ZNF250: variants seen among roughly 807,000 people sequenced by gnomAD.
ZNF250 encodes the protein zinc finger protein 250, also known as zinc finger protein (clone 647).
A neutral mutation model predicts 37.1 loss-of-function variants in ZNF250; 13 were observed. The ratio of observed to expected loss-of-function variants is 0.35; its 90% CI spans 0.23 to 0.56. ZNF250 has a LOEUF of 0.56. ZNF250 is among the 20% of genes least tolerant of loss of function. The probability of loss-of-function intolerance (pLI) is 0.87; values close to 1 mark genes in which losing one functional copy is unlikely to be tolerated. For synonymous variants in ZNF250, 251 were observed against 265.6 expected (o/e 0.94, Z 0.54); for missense variants, 474 against 697.9 (o/e 0.68, Z 3.61).
At chr8:144,896,959 T>A (rs2129882824) in intron 1 of ZNF250, among the ~76,000 whole-genome samples, 1 of 152,334 alleles carries the variant, frequency 6.6e-6, no homozygotes, top group African/African-American at 2.4e-5. Flanking sequence ...ATTTCAATCT[T>A]GAAAATTTCC....
chr8:144,881,938 T>C lies in ZNF250; in HGVS notation c.1245A>G (p.Glu415=). ...LMNHERIHTE[E]KPYACYECGK... is the part of the protein sequence containing the mutation. ...CACATTCGTAGCATGCATAGGGCTT[T>C]TCCTCGGTGTGGATCCGCTCGTGAT... The change falls in exon 6 of 6, where the codon GAA becomes GAG. Residue 415 remains glutamate, a synonymous_variant. Coordinates refer to ENST00000417550, the MANE Select transcript of ZNF250 (RefSeq NM_001109689.4). The C allele has an allele frequency of 6.2e-7, 1 of 1,613,264 alleles. No individual in the cohort carries two copies. The highest frequency in any genetic ancestry group is 8.5e-7 in the Non-Finnish European group (1 of 1,179,792).
At chr8:144,898,684 A>T (rs1033892632) in intron 1 of ZNF250, among the ~76,000 whole-genome samples, 2 of 152,270 alleles carry the variant, frequency 1.3e-5, no homozygotes, top group Non-Finnish European at 2.9e-5. Context: ...TTTACAAGCT[A>T]TCCATCCGAT....
At position 144,891,424 on chromosome 8, in the gene ZNF250, CATCAGAT is replaced by C. The variant is rs1382483710; in HGVS notation, c.-54-1028_-54-1022del. Among the ~76,000 whole-genome samples, 5 of 152,132 alleles carry C rather than the reference CATCAGAT, an allele frequency of 3.3e-5. No homozygotes were observed. Among genetic ancestry groups the C allele is most frequent in the African/African-American group, 7.2e-5 (3 of 41,430 alleles). On this transcript the variant is annotated intron_variant, in intron 1 of 5. Coordinates refer to ENST00000417550, the MANE Select transcript of ZNF250 (RefSeq NM_001109689.4). This position sits in a 1 kb window ranked among gnomAD's most constrained non-coding sequence, Gnocchi z 4.0. The stretch of plus-strand genomic sequence containing the variant: ...CATCATAATCTCAGTGTCTATAAAA[CATCAGAT>C]ATAGGTGGGCGCGGTGGCTCATACC...
In ZNF250 at chr8:144,877,539, T is replaced by C. The variant is rs1180373434; in HGVS notation, c.*3976A>G. 1 of 152,124 alleles carries C rather than the reference T, an allele frequency of 6.6e-6. No homozygotes were observed. The highest frequency in any genetic ancestry group is 1.5e-5 in the Non-Finnish European group (1 of 68,016). 9.4% of individuals were successfully genotyped at this position (152,124 alleles called of 1,614,324 possible). A position where few individuals can be genotyped will look rare whatever the true frequency, so the allele number is the denominator to read the frequency against. ...CCTTTGATGTTATATCCCAAAAAGGTAGATAGCCCACATGTTCCAGTAGGT... is the reference window on the plus strand; with the variant it reads ...CCTTTGATGTTATATCCCAAAAAGGCAGATAGCCCACATGTTCCAGTAGGT... On this transcript the variant is annotated 3_prime_UTR_variant, in exon 6 of 6. Coordinates refer to ENST00000417550, the MANE Select transcript of ZNF250 (RefSeq NM_001109689.4).
chr8:144,889,937 T>A lies in ZNF250; in HGVS notation c.165A>T (p.Ser55=). ...AGGCCTGCTAAGGTGGCTTACCCAA[T>A]GAGACTACATTCCCATAGGTTTCCA... ...VMMETYGNVV[S]LGLPGSKPDI... The change falls in exon 3 of 6, where the codon TCA becomes TCT. Residue 55 remains serine (S), a synonymous_variant. Transcript: ENST00000417550. The A allele has an allele frequency of 1.2e-6, 2 of 1,601,548 alleles. No individual in the cohort carries two copies. The highest frequency in any genetic ancestry group is 1.7e-6 in the Non-Finnish European group (2 of 1,171,154).
chr8:144,893,722 A>T (rs1009335416), intron 1 of ZNF250, among the ~76,000 whole-genome samples: 16 of 152,150 alleles, frequency 1.1e-4, no homozygotes, highest in African/African-American at 2.9e-4. Flanking sequence ...CGGACCAATC[A>T]CACCTGGGCT....
At position 144,890,739 on chromosome 8, in the gene ZNF250, T is replaced by C. The variant is rs888831473; in HGVS notation, c.-54-336A>G. Among the ~76,000 whole-genome samples, 1 of 152,150 alleles carries C rather than the reference T, an allele frequency of 6.6e-6. No homozygotes were observed. Among genetic ancestry groups the C allele is most frequent in the Non-Finnish European group, 1.5e-5 (1 of 68,016 alleles). Reference sequence around the variant, plus strand: ...AGGATACCAGCTCACCAAGGCTCTGTGTGTTCTATACCTGAGGCCCTCACA... The same window carrying C: ...AGGATACCAGCTCACCAAGGCTCTGCGTGTTCTATACCTGAGGCCCTCACA... On this transcript the variant is annotated intron_variant, in intron 1 of 5. Coordinates refer to ENST00000417550, the MANE Select transcript of ZNF250 (RefSeq NM_001109689.4). This position sits in a 1 kb window ranked among gnomAD's most constrained non-coding sequence, Gnocchi z 5.1.
In ZNF250 at chr8:144,882,395, G is replaced by T. The variant is rs1831549929; in HGVS notation, c.788C>A (p.Ser263Ter). 6.2e-7 allele frequency: 1 copy of T among 1,613,932 alleles called. No homozygotes were observed. The highest frequency in any genetic ancestry group is 1.7e-5 in the Admixed American group (1 of 59,968). Residue 263 changes from serine (S) to a stop codon, truncating the protein, a stop_gained, in exon 6 of 6, where the codon TCA becomes TAA. Transcript: ENST00000417550. LOFTEE classifies it high-confidence loss of function. This position sits in a 1 kb window ranked among gnomAD's most constrained non-coding sequence, Gnocchi z 5.5. ...TATCTTGTGATGCTGAGCAAGATCT[G>T]AGCTCACTCTAAAGGCTTTTCCACA... ...NECGKAFRVSSDLAQHHKIHT... is the reference protein window; with the variant it reads ...NECGKAFRVS
chr8:144,898,639 G>C (rs1358778603), intron 1 of ZNF250, among the ~76,000 whole-genome samples: 1 of 152,174 alleles, frequency 6.6e-6, no homozygotes, highest in East Asian at 1.9e-4. Context: ...ACAATCAGCA[G>C]AGTGAAGAAA....
chr8:144,883,836 G>C (rs367929078), intron 5 of ZNF250, among the ~76,000 whole-genome samples: 29 of 152,282 alleles, frequency 1.9e-4, no homozygotes, highest in East Asian at 1.7e-3. Context: ...CGCTCTGCAG[G>C]CTGATTGTGT....
chr8:144,885,465 C>G (rs1414030320), intron 5 of ZNF250, among the ~76,000 whole-genome samples: 1 of 151,402 alleles, frequency 6.6e-6, no homozygotes, highest in African/African-American at 2.4e-5. Context: ...GAAAGTCACT[C>G]TATGTGGGTT....
chr8:144,893,105 C>T (rs1324487634), intron 1 of ZNF250, among the ~76,000 whole-genome samples: 1 of 151,698 alleles, frequency 6.6e-6, no homozygotes. Flanking sequence ...TCAGGTGATC[C>T]ACCCGCCTTG....
Position 144,880,393 on chromosome 8 carries a change from G to A in ZNF250, c.*1122C>T, listed in dbSNP as rs1563872815. 2.2e-6 allele frequency: 1 copy of A among 456,712 alleles called. No homozygotes were observed. The highest frequency in any genetic ancestry group is 7.0e-5 in the East Asian group (1 of 14,386). The allele number at this position is 456,712 out of a possible 1,614,324, so 28.3% of individuals were successfully genotyped here. On this transcript the variant is annotated 3_prime_UTR_variant, in exon 6 of 6. Coordinates refer to ENST00000417550, the MANE Select transcript of ZNF250 (RefSeq NM_001109689.4). ...GTGTAACAGCTATGAGGTCTGCTGA[G>A]TGTGAAGCTCCCCTCCTTTGCCTGC...
At position 144,881,965 on chromosome 8, in the gene ZNF250, C is replaced by T; in HGVS notation, c.1218G>A (p.Met406Ile). ...GKTFSHRSTLMNHERIHTEEK... is the reference protein window; with the variant it reads ...GKTFSHRSTLINHERIHTEEK... ...CCTCGGTGTGGATCCGCTCGTGATTCATCAGTGTGGAGCGGTGGCTGAAGG... is the reference window on the plus strand; with the variant it reads ...CCTCGGTGTGGATCCGCTCGTGATTTATCAGTGTGGAGCGGTGGCTGAAGG... The change falls in exon 6 of 6, where the codon ATG becomes ATA. Residue 406 changes from methionine (M) to isoleucine (I), a missense_variant. Transcript: ENST00000417550. 6.2e-7 allele frequency: 1 copy of T among 1,613,412 alleles called. No individual in the cohort carries two copies. The highest frequency in any genetic ancestry group is 8.5e-7 in the Non-Finnish European group (1 of 1,179,840).
intron 5 of ZNF250, among the ~76,000 whole-genome samples, chr8:144,884,603 A>G (rs981368619): frequency 2.0e-5 from 3 of 152,106 alleles, no homozygotes; most frequent in Non-Finnish European, 4.4e-5. Flanking sequence ...TTCTGTGAAG[A>G]TTCTCCTATG....
intron 5 of ZNF250, among the ~76,000 whole-genome samples, chr8:144,884,112 C>G (rs115708479): frequency 6.6e-6 from 1 of 152,144 alleles, no homozygotes; most frequent in Non-Finnish European, 1.5e-5. Context: ...TCATGGAGCA[C>G]AGTCTTCTGG....
chr8:144,901,458 G>A (rs546012860), upstream of ZNF250: 2 of 152,506 alleles, frequency 1.3e-5, no homozygotes, highest in East Asian at 1.9e-4. The surrounding 1 kb of genome is among the most constrained non-coding windows in gnomAD (Gnocchi z 5.4). Flanking sequence ...TCAGACAAAG[G>A]GCTGCCCCGC....
chr8:144,881,334 A>AGTC lies in ZNF250; in HGVS notation c.*178_*180dup. On this transcript the variant is annotated 3_prime_UTR_variant, in exon 6 of 6. Coordinates refer to ENST00000417550, the MANE Select transcript of ZNF250 (RefSeq NM_001109689.4). ...AGATGTTGAGGAAAATAAAACAGGT[A>AGTC]GTCTCTGAAGTTTTTCCACAGGAAC... 1 of 748,288 alleles carries AGTC rather than the reference A, an allele frequency of 1.3e-6. No homozygotes were observed. Among genetic ancestry groups the AGTC allele is most frequent in the Non-Finnish European group, 2.0e-6 (1 of 502,978 alleles). The allele number at this position is 748,288 out of a possible 1,614,324, so 46.4% of individuals were successfully genotyped here. A position where few individuals can be genotyped will look rare whatever the true frequency, so the allele number is the denominator to read the frequency against.
intron 4 of ZNF250, among the ~76,000 whole-genome samples, chr8:144,887,252 CAAAAAAAAAAAAAAAA>C (rs56677445): frequency 7.9e-5 from 5 of 63,080 alleles, no homozygotes; most frequent in African/African-American, 3.8e-4. Flanking sequence ...CTCCGTCTCT[CAAAAAAAAAAAAAAAA>C]AAAAAAAAAA....
Sources: gnomAD v4.1 joint callset for allele counts (sites outside exome capture counted in the v4.1 genomes callset) on GRCh38, gnomAD v4.1.1 for gene constraint, Gnocchi (gnomAD v3.1) non-coding constraint, MANE v1.5 for transcripts, NCBI Gene and HGNC (gene_info 2026-07-23, HGNC 2026-07-21) for gene names.